Variants in SKI observed in about 807,000 individuals in gnomAD.
SKI encodes the protein ski oncogene.
In SKI, 23 loss-of-function variants were observed where a neutral mutation model predicts 59.3. The observed-to-expected ratio is 0.39, with a 90% confidence interval of 0.28 to 0.55. The LOEUF (loss-of-function observed/expected upper bound fraction) is 0.55. SKI is among the 20% of genes least tolerant of loss of function. The pLI, the probability that SKI is intolerant of heterozygous loss-of-function variation, is 0.67. For synonymous variants in SKI, 673 were observed against 488.6 expected, an observed-to-expected ratio of 1.38 and a Z score of -4.98; for missense variants, 1,017 against 1,038.9, an observed-to-expected ratio of 0.98 and a Z score of 0.29.
intron 1 of SKI, among the ~76,000 whole-genome samples, chr1:2,298,340 G>A (rs1295569262): frequency 2.0e-5 from 3 of 152,188 alleles, no homozygotes; most frequent in Non-Finnish European, 4.4e-5. Context: ...GAAGTTCCCT[G>A]TGGTTGTCCC....
chr1:2,247,394 T>C (rs1224074345), intron 1 of SKI, among the ~76,000 whole-genome samples: 1 of 152,170 alleles, frequency 6.6e-6, no homozygotes, highest in African/African-American at 2.4e-5. Context: ...TGCAGCGTGC[T>C]TCTCCCTCCT....
chr1:2,299,222 G>A (rs954993628), intron 1 of SKI, among the ~76,000 whole-genome samples: 6 of 150,250 alleles, frequency 4.0e-5, no homozygotes, highest in African/African-American at 9.9e-5. Context: ...GCATCAGCTC[G>A]GGGACCCGAG....
intron 1 of SKI, among the ~76,000 whole-genome samples, chr1:2,257,121 A>G (rs965937322): frequency 2.6e-5 from 4 of 152,028 alleles, no homozygotes; most frequent in Admixed American, 1.3e-4. Flanking sequence ...CGTTTCTAAG[A>G]TATCTATCTC....
chr1:2,237,228 G>A (rs1409596387), intron 1 of SKI, among the ~76,000 whole-genome samples: 2 of 152,190 alleles, frequency 1.3e-5, no homozygotes, highest in East Asian at 3.8e-4. Flanking sequence ...TGGGTGAGGG[G>A]TGGTGGGAGG....
chr1:2,306,563 C>G lies in SKI; in HGVS notation c.1999-14C>G, dbSNP rs534575796. On this transcript the variant is annotated splice_polypyrimidine_tract_variant and intron_variant, in intron 6 of 6. Transcript: ENST00000378536. ...CAGCGAGCAGGCGCCGCTGACCACT[C>G]GGCTCCCTTTCAGATCGAAGACCTG... 2.1e-5 allele frequency: 32 copies of G among 1,539,914 alleles called. No homozygotes were observed. In the Middle Eastern group the frequency reaches 1.1e-3, roughly 51 times the overall value.
At chr1:2,272,058 G>A (rs959360409) in intron 1 of SKI, among the ~76,000 whole-genome samples, 1 of 152,188 alleles carries the variant, frequency 6.6e-6, no homozygotes, top group Non-Finnish European at 1.5e-5. Context: ...GCCCCTGCCC[G>A]CCCCAGGCCA....
At chr1:2,266,934 C>G (rs1017416945) in intron 1 of SKI, among the ~76,000 whole-genome samples, 2 of 152,116 alleles carry the variant, frequency 1.3e-5, no homozygotes, top group Admixed American at 6.6e-5. Context: ...TCAGGGTGGC[C>G]TCTGCTTCAG....
rs1225421526 is a variant in SKI, at chr1:2,286,755, G to C, written c.970-16223G>C. ...GGCGCCTGTCTCCCTCCCTCCCAAG[G>C]CTCCGGTCGTGGGCTAGTGGGAGAA... On this transcript the variant is annotated intron_variant, in intron 1 of 6. Coordinates refer to ENST00000378536, the MANE Select transcript of SKI (RefSeq NM_003036.4). Among the ~76,000 whole-genome samples the C allele has an allele frequency of 3.3e-5, 5 of 152,298 alleles. No homozygotes were observed. The East Asian group carries it at 9.7e-4, about 29-fold the overall frequency.
rs1427721612 is a variant in SKI, at chr1:2,228,359, C to T, written c.-408C>T. 1.4e-5 allele frequency among the ~76,000 whole-genome samples: 2 copies of T among 142,374 alleles called. No individual in the cohort carries two copies. The highest frequency in any genetic ancestry group is 3.1e-5 in the Non-Finnish European group (2 of 64,416). 93.4% of individuals were successfully genotyped at this position (142,374 alleles called of 152,430 possible). On this transcript the variant is annotated 5_prime_UTR_variant, in exon 1 of 7. Transcript: ENST00000378536. ...CTCGGCCTCGGCCGCCGCGGCGATT[C>T]GCGCCTCGCGGCGCCGGCACCTGCC...
At chr1:2,253,797 G>T (rs545454021) in intron 1 of SKI, among the ~76,000 whole-genome samples, 1 of 152,208 alleles carries the variant, frequency 6.6e-6, no homozygotes, top group Non-Finnish European at 1.5e-5. Flanking sequence ...GGGGTGTTGT[G>T]CCCCCCCTAC....
intron 1 of SKI, among the ~76,000 whole-genome samples, chr1:2,275,582 C>T (rs988070589): frequency 1.4e-4 from 21 of 152,094 alleles, no homozygotes; most frequent in African/African-American, 4.1e-4. Flanking sequence ...GGCGCGATCT[C>T]GGCTCACTGC....
At chr1:2,233,042 T>A (rs1264621507) in intron 1 of SKI, among the ~76,000 whole-genome samples, 1 of 152,108 alleles carries the variant, frequency 6.6e-6, no homozygotes, top group Admixed American at 6.5e-5. Context: ...GGAGACAAAA[T>A]GTGGCAGTTG....
At chr1:2,251,935 A>T (rs1639160277) in intron 1 of SKI, among the ~76,000 whole-genome samples, 1 of 151,868 alleles carries the variant, frequency 6.6e-6, no homozygotes, top group African/African-American at 2.4e-5. Context: ...TCGTCTCTGG[A>T]GGCCTCCCCA....
At chr1:2,296,996 TTGG>T (rs1276798094) in intron 1 of SKI, among the ~76,000 whole-genome samples, 3 of 151,972 alleles carry the variant, frequency 2.0e-5, no homozygotes, top group African/African-American at 2.4e-5. Context: ...CAGGTGAGAA[TTGG>T]TGGCCTCCCT....
intron 1 of SKI, among the ~76,000 whole-genome samples, chr1:2,230,121 T>C (rs1638600284): frequency 6.6e-6 from 1 of 152,190 alleles, no homozygotes; most frequent in Non-Finnish European, 1.5e-5. Context: ...CCCGGATGCC[T>C]CAGGCCCAGG....
chr1:2,293,033 C>T (rs1046150904), intron 1 of SKI, among the ~76,000 whole-genome samples: 1 of 152,154 alleles, frequency 6.6e-6, no homozygotes, highest in Non-Finnish European at 1.5e-5. Flanking sequence ...GGCTTCACTC[C>T]TGGGCAGGGT....
chr1:2,307,961 ACCCCCAAGATATCTGT>A lies in SKI; in HGVS notation c.*1198_*1213del, dbSNP rs1210566143. On this transcript the variant is annotated 3_prime_UTR_variant, in exon 7 of 7. Transcript: ENST00000378536. ...AGCAAATCCTGACTCGTGTCTTTTT[ACCCCCAAGATATCTGT>A]CTTCAGTAGCGACTGAATCTGCCAC... 1 of 152,310 alleles carries A rather than the reference ACCCCCAAGATATCTGT, an allele frequency of 6.6e-6. No individual in the cohort carries two copies. The highest frequency in any genetic ancestry group is 2.4e-5 in the African/African-American group (1 of 41,346). The allele number at this position is 152,310 out of a possible 1,614,324, so 9.4% of individuals were successfully genotyped here.
chr1:2,231,416 G>C (rs1047430033), intron 1 of SKI, among the ~76,000 whole-genome samples: 10 of 152,178 alleles, frequency 6.6e-5, no homozygotes, highest in African/African-American at 1.9e-4. Context: ...GTCTTCCTGG[G>C]CTTTGCTGGG....
At chr1:2,272,310 A>G (rs910284018) in intron 1 of SKI, among the ~76,000 whole-genome samples, 10 of 152,234 alleles carry the variant, frequency 6.6e-5, no homozygotes, top group Admixed American at 5.9e-4. Context: ...TAAGCAAAAC[A>G]CACATAGACT....
Sources: allele counts gnomAD v4.1 joint callset (sites outside exome capture counted in the v4.1 genomes callset), GRCh38; gene constraint gnomAD v4.1.1; transcripts MANE v1.5; gene names NCBI Gene and HGNC (gene_info 2026-07-23, HGNC 2026-07-21).